The following CGNL1 variants were observed in gnomAD, a reference collection of about 807,000 sequenced individuals.
CGNL1 encodes the protein cingulin-like protein 1.
In CGNL1, 132 loss-of-function variants were observed where a neutral mutation model predicts 141.2. The observed-to-expected ratio is 0.93, with a 90% CI of 0.81 to 1.08. CGNL1 has a LOEUF of 1.08. CGNL1 is among the 50% of genes least tolerant of loss of function. The pLI is 0.00. For synonymous variants in CGNL1, 690 were observed against 622.1 expected, an observed-to-expected ratio of 1.11 and a Z score of -1.63; for missense variants, 1,870 against 1,588.6, an observed-to-expected ratio of 1.18 and a Z score of -3.01.
chr15:57,436,354 A>G (rs1211019738), intron 1 of CGNL1, among the ~76,000 whole-genome samples: 1 of 152,226 alleles, frequency 6.6e-6, no homozygotes, highest in African/African-American at 2.4e-5. Flanking sequence ...AGGTTGAGTC[A>G]CTTGGCCTAA....
chr15:57,454,920 C>T (rs950378351), intron 7 of CGNL1, among the ~76,000 whole-genome samples: 4 of 151,996 alleles, frequency 2.6e-5, no homozygotes, highest in Admixed American at 6.6e-5. Context: ...GAGGGGGGGA[C>T]GTACACATAC....
chr15:57,421,035 T>A (rs11071316), intron 1 of CGNL1, among the ~76,000 whole-genome samples: 43,564 of 152,066 alleles, frequency 0.29, 6,699 homozygotes, highest in Non-Finnish European at 0.35. Flanking sequence ...GGGAGGTAAT[T>A]AGGGTTAGAT....
intron 1 of CGNL1, among the ~76,000 whole-genome samples, chr15:57,384,684 TTTTA>T (rs2062462869): frequency 6.6e-6 from 1 of 151,080 alleles, no homozygotes; most frequent in Non-Finnish European, 1.5e-5. Context: ...TTTCTTTCTT[TTTTA>T]AAAAAATTGC....
At chr15:57,477,370 G>A (rs991230888) in intron 8 of CGNL1, 11 of 152,200 alleles carry the variant, frequency 7.2e-5, no homozygotes, top group Non-Finnish European at 1.3e-4. Flanking sequence ...CGAAGACTTA[G>A]ATGCTAGCAA....
At chr15:57,407,382 C>T (rs2062735246) in intron 1 of CGNL1, 1 of 152,094 alleles carries the variant, frequency 6.6e-6, no homozygotes, top group Non-Finnish European at 1.5e-5. Flanking sequence ...GGGGTTTTGC[C>T]AGGCACAGTG....
chr15:57,507,281 T>G (rs2064115930), intron 8 of CGNL1, among the ~76,000 whole-genome samples: 1 of 152,266 alleles, frequency 6.6e-6, no homozygotes, highest in Non-Finnish European at 1.5e-5. Context: ...AGGATTTTTA[T>G]TTCCTTGTTG....
At chr15:57,542,246 T>G (rs1320499067) in intron 14 of CGNL1, among the ~76,000 whole-genome samples, 2 of 152,242 alleles carry the variant, frequency 1.3e-5, no homozygotes, top group African/African-American at 4.8e-5. Flanking sequence ...CTGTGTCAGA[T>G]GCTCTCCAGG....
chr15:57,469,887 A>G (rs2063557729), intron 8 of CGNL1, among the ~76,000 whole-genome samples: 1 of 152,194 alleles, frequency 6.6e-6, no homozygotes, highest in Non-Finnish European at 1.5e-5. Context: ...CTTCCAAAGC[A>G]TAAGGTCAGC....
At chr15:57,468,234 C>CTTTTTTTTTTTTTTTTTTTTTT (rs57360097) in intron 8 of CGNL1, among the ~76,000 whole-genome samples, 1 of 85,916 alleles carries the variant, frequency 1.2e-5, no homozygotes, top group African/African-American at 5.0e-5. Context: ...TTTTCTTTTT[C>CTTTTTTTTTTTTTTTTTTTTTT]TTTTTTTTTT....
intron 1 of CGNL1, among the ~76,000 whole-genome samples, chr15:57,409,552 C>A (rs1706377): frequency 6.6e-6 from 1 of 152,010 alleles, no homozygotes; most frequent in East Asian, 1.9e-4. Flanking sequence ...GCCATGGTGT[C>A]GGGATGGAGA....
intron 13 of CGNL1, among the ~76,000 whole-genome samples, 167 bp from the exon 14 acceptor site, chr15:57,531,523 A>G (rs551483530): frequency 1.3e-5 from 2 of 152,358 alleles, no homozygotes; most frequent in African/African-American, 4.8e-5. Context: ...ACATAGTTTA[A>G]GAAATATCTG....
intron 14 of CGNL1, among the ~76,000 whole-genome samples, chr15:57,532,045 T>C (rs2031981476): frequency 6.6e-6 from 1 of 152,200 alleles, no homozygotes; most frequent in Non-Finnish European, 1.5e-5. Context: ...AGGTTTTGAT[T>C]TCATCTTTTT....
chr15:57,543,644 A>C, intron 14 of CGNL1, 52 bp from the exon 15 acceptor site: 2 of 1,492,108 alleles, frequency 1.3e-6, no homozygotes, highest in Non-Finnish European at 1.9e-6. Context: ...TCAGTACAAA[A>C]GATACAGGAA....
intron 14 of CGNL1, among the ~76,000 whole-genome samples, chr15:57,534,057 G>A (rs2032110829): frequency 1.3e-5 from 2 of 152,314 alleles, no homozygotes; most frequent in South Asian, 4.1e-4. Flanking sequence ...GATCTCTGAA[G>A]GCTCTTCTGA....
intron 8 of CGNL1, among the ~76,000 whole-genome samples, chr15:57,483,720 C>G (rs1234367144): frequency 6.6e-6 from 1 of 152,120 alleles, no homozygotes; most frequent in African/African-American, 2.4e-5. Context: ...CAGTTTCTTA[C>G]TATTAAATAT....
rs776996744 is a variant in CGNL1, at chr15:57,544,490, C to A, written c.3393C>A (p.Ser1131Arg). The A allele has an allele frequency of 2.5e-5, 41 of 1,614,024 alleles. No homozygotes were observed. Among genetic ancestry groups the A allele is most frequent in the Non-Finnish European group, 3.5e-5 (41 of 1,179,974 alleles). The part of the protein sequence containing the change: ...SLERQNKDLK[S>R]RIIHLEGSYR... ...TGTTCCAGAACAAGGACTTAAAGAG[C>A]CGGATTATCCACCTGGAAGGTTCCT... Residue 1131 changes from serine (S) to arginine (R), a missense_variant, in exon 16 of 19, where the codon AGC becomes AGA. Coordinates refer to ENST00000281282, the MANE Select transcript of CGNL1 (RefSeq NM_032866.5).
At chr15:57,381,936 G>C (rs1333941654) in intron 1 of CGNL1, among the ~76,000 whole-genome samples, 1 of 152,208 alleles carries the variant, frequency 6.6e-6, no homozygotes, top group Admixed American at 6.5e-5. Flanking sequence ...AGATTAGGCT[G>C]TGCAGAAAGT....
chr15:57,491,979 A>C (rs73421863), intron 8 of CGNL1, among the ~76,000 whole-genome samples: 4,168 of 152,268 alleles, frequency 0.027, 183 homozygotes, highest in African/African-American at 0.096. Flanking sequence ...CCTGAGGAGC[A>C]ATGATGACTG....
At chr15:57,482,816 C>CTTTTTTTTTTTCTTTTTTTT in intron 8 of CGNL1, among the ~76,000 whole-genome samples, 1 of 150,934 alleles carries the variant, frequency 6.6e-6, no homozygotes, top group Non-Finnish European at 1.5e-5. Context: ...TGGAGTTTCA[C>CTTTTTTTTTTTCTTTTTTTT]TCTTGTTGCC....
Sources: gnomAD v4.1 joint callset for allele counts (sites outside exome capture counted in the v4.1 genomes callset) on GRCh38, gnomAD v4.1.1 for gene constraint, MANE v1.5 for transcripts, NCBI Gene and HGNC (gene_info 2026-07-23, HGNC 2026-07-21) for gene names.